Variants in DYM observed in about 807,000 individuals in gnomAD.
The protein encoded by DYM is dymeclin, also known as dyggve-Melchior-Clausen syndrome protein.
A neutral mutation model predicts 93.1 loss-of-function variants in DYM; 78 were observed. That is an observed-to-expected ratio of 0.84 (90% CI 0.70 to 1.01). The LOEUF (loss-of-function observed/expected upper bound fraction) is 1.01. DYM is among the 50% of genes least tolerant of loss of function. The pLI is 0.00. For synonymous variants in DYM, 321 were observed against 319.7 expected (o/e 1.00, Z -0.04); for missense variants, 789 against 845.0 (o/e 0.93, Z 0.82).
At chr18:49,212,153 T>C (rs2092813055) in intron 13 of DYM, among the ~76,000 whole-genome samples, 2 of 151,612 alleles carry the variant, frequency 1.3e-5, no homozygotes, top group South Asian at 4.2e-4. Flanking sequence ...TTAAAGGCCA[T>C]AAAAGACAAA....
chr18:49,096,281 T>A (rs1378115390), intron 17 of DYM, among the ~76,000 whole-genome samples: 1 of 152,212 alleles, frequency 6.6e-6, no homozygotes, highest in Admixed American at 6.5e-5. Context: ...CTCCCTGTTG[T>A]TTATGTACAG....
At chr18:49,223,712 C>T in intron 13 of DYM, among the ~76,000 whole-genome samples, 1 of 151,868 alleles carries the variant, frequency 6.6e-6, no homozygotes, top group Non-Finnish European at 1.5e-5. Flanking sequence ...GGGAAAGTTT[C>T]CTCATAAAAG....
intron 13 of DYM, among the ~76,000 whole-genome samples, chr18:49,251,219 GT>G (rs2094280161): frequency 6.6e-6 from 1 of 152,224 alleles, no homozygotes; most frequent in African/African-American, 2.4e-5. Flanking sequence ...TGCTTTTCCA[GT>G]GAATACAGCA....
chr18:49,381,064 A>T (rs867483837), intron 3 of DYM, among the ~76,000 whole-genome samples: 1 of 151,956 alleles, frequency 6.6e-6, no homozygotes, highest in African/African-American at 2.4e-5. Context: ...TGGTGCAATC[A>T]TAGCTCTCTG....
intron 14 of DYM, among the ~76,000 whole-genome samples, chr18:49,191,966 T>A (rs1213185553): frequency 6.6e-6 from 1 of 152,094 alleles, no homozygotes; most frequent in African/African-American, 2.4e-5. Context: ...AGACGGGGTC[T>A]CACTATGTCA....
chr18:49,221,852 C>T (rs936784933), intron 13 of DYM, among the ~76,000 whole-genome samples: 18 of 151,924 alleles, frequency 1.2e-4, no homozygotes, highest in African/African-American at 3.4e-4. Flanking sequence ...CACATGTATA[C>T]ATATGTAACT....
At chr18:49,429,136 G>T (rs975817234) in intron 2 of DYM, among the ~76,000 whole-genome samples, 2 of 152,140 alleles carry the variant, frequency 1.3e-5, no homozygotes, top group African/African-American at 4.8e-5. Context: ...AGCCAGCAAG[G>T]GCAGGCTGAG....
intron 1 of DYM, among the ~76,000 whole-genome samples, chr18:49,440,384 A>G (rs1278232252): frequency 7.8e-6 from 1 of 128,768 alleles, no homozygotes; most frequent in African/African-American, 2.9e-5. Flanking sequence ...CATATTATAT[A>G]TGATATATAA....
intron 2 of DYM, 140 bp from the exon 3 acceptor site, chr18:49,391,785 C>CAA: frequency 2.6e-5 from 14 of 541,826 alleles, no homozygotes; most frequent in South Asian, 5.5e-5. Context: ...ATAAGATCAG[C>CAA]AAAAAAAAAA....
intron 10 of DYM, among the ~76,000 whole-genome samples, chr18:49,272,947 ACTAT>A (rs1187587833): frequency 6.6e-6 from 1 of 152,128 alleles, no homozygotes; most frequent in Admixed American, 6.5e-5. Flanking sequence ...AGATGGGCAG[ACTAT>A]CTACATAGCA....
intron 9 of DYM, 46 bp downstream of exon 9, chr18:49,286,388 A>G: frequency 6.3e-7 from 1 of 1,593,678 alleles, no homozygotes; most frequent in African/African-American, 1.3e-5. Context: ...AGAACAAGCA[A>G]TACTCTCCCC....
intron 16 of DYM, among the ~76,000 whole-genome samples, chr18:49,099,917 A>G (rs1423541990): frequency 3.3e-5 from 5 of 152,090 alleles, no homozygotes; most frequent in Non-Finnish European, 7.4e-5. Flanking sequence ...CTTTTGTCAT[A>G]TGTGCTTATA....
intron 15 of DYM, among the ~76,000 whole-genome samples, chr18:49,132,140 G>C (rs1434116419): frequency 6.6e-6 from 1 of 152,070 alleles, no homozygotes; most frequent in Non-Finnish European, 1.5e-5. Context: ...GATTATGAAA[G>C]AAAATGTTAT....
intron 5 of DYM, 147 bp from the exon 6 acceptor site, chr18:49,363,380 C>T (rs1451379314): frequency 4.3e-6 from 3 of 695,958 alleles, no homozygotes; most frequent in Non-Finnish European, 7.8e-6. Flanking sequence ...GAATAAAATC[C>T]AAATCATGAA....
At chr18:49,090,655 C>G (rs1481291260) in intron 17 of DYM, among the ~76,000 whole-genome samples, 1 of 152,108 alleles carries the variant, frequency 6.6e-6, no homozygotes, top group Non-Finnish European at 1.5e-5. Context: ...AACAGTGGCT[C>G]TTTATTGGAC....
intron 13 of DYM, among the ~76,000 whole-genome samples, chr18:49,256,112 C>G (rs1231417779): frequency 2.0e-5 from 3 of 146,832 alleles, no homozygotes; most frequent in African/African-American, 7.5e-5. Context: ...AAAGTCATGT[C>G]TTTGGCAATG....
At chr18:49,243,718 T>G (rs780157731) in intron 13 of DYM, among the ~76,000 whole-genome samples, 4 of 150,956 alleles carry the variant, frequency 2.6e-5, no homozygotes, top group Non-Finnish European at 5.9e-5. Flanking sequence ...AGAACCAGTC[T>G]CTTTAGTTTC....
chr18:49,395,073 G>A (rs1599891851), intron 2 of DYM, among the ~76,000 whole-genome samples: 1 of 152,136 alleles, frequency 6.6e-6, no homozygotes, highest in African/African-American at 2.4e-5. Flanking sequence ...CAGCACATTG[G>A]TCTGGGCAAG....
intron 14 of DYM, among the ~76,000 whole-genome samples, chr18:49,208,267 C>T (rs1379066816): frequency 2.0e-5 from 3 of 151,774 alleles, no homozygotes; most frequent in African/African-American, 7.3e-5. Context: ...AGCAGCAGTT[C>T]TCCTCATTCC....
Sources: gnomAD v4.1 joint callset for allele counts (sites outside exome capture counted in the v4.1 genomes callset) on GRCh38, gnomAD v4.1.1 for gene constraint, MANE v1.5 for transcripts, NCBI Gene and HGNC (gene_info 2026-07-23, HGNC 2026-07-21) for gene names.